PPM1L: variants seen among roughly 807,000 people sequenced by gnomAD.
The protein encoded by PPM1L is protein phosphatase, Mg2+/Mn2+ dependent 1L, also known as protein phosphatase 1L.
A neutral mutation model predicts 31.4 loss-of-function variants in PPM1L; 13 were observed. The observed-to-expected ratio is 0.41, with a 90% CI of 0.27 to 0.66. PPM1L has a LOEUF of 0.66. PPM1L is among the 30% of genes least tolerant of loss of function. The probability of loss-of-function intolerance (pLI) is 0.29; values close to 1 mark genes in which losing one functional copy is unlikely to be tolerated. For missense variants in PPM1L, 326 were observed against 453.7 expected (o/e 0.72, Z 2.56); for synonymous variants, 184 against 175.4 (o/e 1.05, Z -0.39).
At chr3:160,843,434 A>ATATATATG (rs1713963527) in intron 1 of PPM1L, among the ~76,000 whole-genome samples, 1 of 80,336 alleles carries the variant, frequency 1.2e-5, no homozygotes, top group African/African-American at 4.9e-5. Flanking sequence ...TTTTATATAT[A>ATATATATG]TATATATATA....
intron 1 of PPM1L, among the ~76,000 whole-genome samples, chr3:160,874,923 C>T (rs1451257795): frequency 6.6e-6 from 1 of 152,190 alleles, no homozygotes; most frequent in Non-Finnish European, 1.5e-5. Context: ...ATAGGACAGA[C>T]ATGTGATCAA....
chr3:160,832,960 C>T (rs1394091245), intron 1 of PPM1L, among the ~76,000 whole-genome samples: 2 of 152,108 alleles, frequency 1.3e-5, no homozygotes, highest in Non-Finnish European at 2.9e-5. Context: ...TGTTGTTCCC[C>T]TCCCTGTGTC....
intron 1 of PPM1L, among the ~76,000 whole-genome samples, chr3:160,849,419 CT>C (rs540982855): frequency 1.1e-3 from 156 of 142,980 alleles, no homozygotes; most frequent in Middle Eastern, 3.6e-3. Context: ...TTCTTTCTTT[CT>C]TTTTTTTTTT....
chr3:161,004,849 G>A (rs948860561), intron 2 of PPM1L, among the ~76,000 whole-genome samples: 1 of 151,872 alleles, frequency 6.6e-6, no homozygotes, highest in Non-Finnish European at 1.5e-5. Flanking sequence ...CTTCAGTTCT[G>A]CTCTGATTTT....
At chr3:161,030,810 T>C (rs1718542057) in intron 2 of PPM1L, among the ~76,000 whole-genome samples, 1 of 152,114 alleles carries the variant, frequency 6.6e-6, no homozygotes, top group Admixed American at 6.5e-5. Context: ...TACTACATTC[T>C]ACTCACAACA....
Position 160,911,501 on chromosome 3 carries a change from A to G in PPM1L, c.400-50235A>G, listed in dbSNP as rs527429340. Among the ~76,000 whole-genome samples the G allele has an allele frequency of 1.1e-4, 16 of 152,326 alleles. No individual in the cohort carries two copies. In the South Asian group the frequency reaches 3.3e-3, roughly 32 times the overall value. ...CTATAGGTCTAGTGGGTTGGCCTCA[A>G]CCACTTGTGAGTGAGTATTCCCTTT... On this transcript the variant is annotated intron_variant, in intron 1 of 3. Coordinates refer to ENST00000498165, the MANE Select transcript of PPM1L (RefSeq NM_139245.4).
intron 2 of PPM1L, among the ~76,000 whole-genome samples, chr3:161,054,652 G>A (rs1001670481): frequency 5.9e-5 from 9 of 152,024 alleles, no homozygotes; most frequent in Admixed American, 3.3e-4. Context: ...AGGCTAGGTG[G>A]GTTCTACCCC....
intron 1 of PPM1L, among the ~76,000 whole-genome samples, chr3:160,788,260 T>C (rs1009610429): frequency 3.3e-5 from 5 of 152,200 alleles, no homozygotes; most frequent in African/African-American, 1.2e-4. Flanking sequence ...GGAATGTTTT[T>C]CCATTTGTTT....
chr3:160,993,019 C>G (rs1472283190), intron 2 of PPM1L, among the ~76,000 whole-genome samples: 1 of 151,840 alleles, frequency 6.6e-6, no homozygotes. Flanking sequence ...CGTTGAATCC[C>G]TAACTCATAA....
At chr3:161,003,352 A>G (rs1336792312) in intron 2 of PPM1L, among the ~76,000 whole-genome samples, 1 of 151,230 alleles carries the variant, frequency 6.6e-6, no homozygotes, top group South Asian at 2.1e-4. Flanking sequence ...GAACTTTAAA[A>G]TAGTTTTTTC....
At chr3:160,810,640 G>A (rs1712777440) in intron 1 of PPM1L, among the ~76,000 whole-genome samples, 1 of 152,162 alleles carries the variant, frequency 6.6e-6, no homozygotes, top group Non-Finnish European at 1.5e-5. Flanking sequence ...AGGTCAGCCA[G>A]CCAACTGACA....
intron 1 of PPM1L, among the ~76,000 whole-genome samples, chr3:160,876,552 A>G (rs1235691381): frequency 1.3e-5 from 2 of 152,248 alleles, no homozygotes; most frequent in Non-Finnish European, 2.9e-5. Context: ...GCAAAGCCCA[A>G]ATCTCTCTGA....
At chr3:160,891,409 T>C (rs930024984) in intron 1 of PPM1L, among the ~76,000 whole-genome samples, 1 of 152,172 alleles carries the variant, frequency 6.6e-6, no homozygotes, top group Non-Finnish European at 1.5e-5. Context: ...TCAGCATCAC[T>C]GATCATTAGA....
At chr3:160,838,881 A>G (rs924786399) in intron 1 of PPM1L, among the ~76,000 whole-genome samples, 1 of 152,192 alleles carries the variant, frequency 6.6e-6, no homozygotes, top group African/African-American at 2.4e-5. Context: ...TGTGTCCCCA[A>G]ATATCATGTA....
chr3:161,068,862 T>C lies in PPM1L; in HGVS notation c.788T>C (p.Met263Thr). The change falls in exon 4 of 4, where the codon ATG becomes ACG. Residue 263 changes from methionine to threonine, a missense_variant. Met to Thr is a moderately conservative substitution (Grantham distance 81, BLOSUM62 -1). Transcript: ENST00000498165. Reference protein sequence around the residue: ...GSWRVQGILAMSRSLGDYPLK... With the variant: ...GSWRVQGILATSRSLGDYPLK... ...TGGAGGGTCCAGGGAATCCTGGCCA[T>C]GTCTCGGTCCCTGGGGGATTATCCG... is the stretch of plus-strand genomic sequence containing the variant. 6.2e-7 allele frequency: 1 copy of C among 1,614,164 alleles called. No homozygotes were observed. Among genetic ancestry groups the C allele is most frequent in the Middle Eastern group, 1.6e-4 (1 of 6,062 alleles).
chr3:160,964,809 G>A (rs1466818062), intron 2 of PPM1L, among the ~76,000 whole-genome samples: 5 of 151,946 alleles, frequency 3.3e-5, no homozygotes, highest in Non-Finnish European at 7.4e-5. Context: ...GTGAATGAGT[G>A]TTGCTGTGTG....
At chr3:161,025,836 G>T (rs1576791144) in intron 2 of PPM1L, among the ~76,000 whole-genome samples, 1 of 152,200 alleles carries the variant, frequency 6.6e-6, no homozygotes, top group South Asian at 2.1e-4. Flanking sequence ...AAAACTCTTT[G>T]AGATTGAGTT....
intron 1 of PPM1L, among the ~76,000 whole-genome samples, chr3:160,913,298 C>T (rs938713801): frequency 1.3e-5 from 2 of 152,068 alleles, no homozygotes; most frequent in Non-Finnish European, 2.9e-5. Context: ...AAATCTAGCC[C>T]ACCTTGGTGT....
intron 1 of PPM1L, among the ~76,000 whole-genome samples, chr3:160,824,890 G>T (rs1713310283): frequency 6.6e-6 from 1 of 151,466 alleles, no homozygotes; most frequent in African/African-American, 2.4e-5. Flanking sequence ...TCCTGCCTTG[G>T]GCCTCATTTT....
Sources: allele counts gnomAD v4.1 joint callset (sites outside exome capture counted in the v4.1 genomes callset), GRCh38; gene constraint gnomAD v4.1.1; transcripts MANE v1.5; gene names NCBI Gene and HGNC (gene_info 2026-07-23, HGNC 2026-07-21).